Variants in GARRE1 observed in about 807,000 individuals in gnomAD.
GARRE1 encodes the protein granule associated Rac and RHOG effector protein 1.
GARRE1 carries 49 observed loss-of-function variants against 103.2 expected under a neutral mutation model. The ratio of observed to expected loss-of-function variants is 0.47; its 90% CI spans 0.38 to 0.60. GARRE1 has a LOEUF of 0.60. Among genes scored for constraint, GARRE1 ranks in the 20% least tolerant of loss-of-function variants. GARRE1 has a pLI of 0.00. For missense variants in GARRE1, 1,199 were observed against 1,370.5 expected (o/e 0.87, Z 1.98); for synonymous variants, 505 against 532.8 (o/e 0.95, Z 0.72).
intron 2 of GARRE1, among the ~76,000 whole-genome samples, chr19:34,301,620 G>T (rs1043478500): frequency 1.3e-5 from 2 of 150,456 alleles, no homozygotes; most frequent in African/African-American, 2.4e-5. Flanking sequence ...TTCAAATACC[G>T]TACTGGTAAA....
At chr19:34,254,755 G>A (rs961775407) in intron 1 of GARRE1, 141 bp downstream of exon 1, 4 of 148,398 alleles carry the variant, frequency 2.7e-5, no homozygotes, top group African/African-American at 9.8e-5. Context: ...GGGGCCGCAG[G>A]GCGCGGGGCC....
intron 1 of GARRE1, among the ~76,000 whole-genome samples, chr19:34,292,769 C>T (rs1002047763): frequency 6.6e-6 from 1 of 151,564 alleles, no homozygotes; most frequent in African/African-American, 2.4e-5. Context: ...GAGTCTCGCT[C>T]CATCACCCAG....
chr19:34,352,693 C>T lies in GARRE1; in HGVS notation c.2951C>T (p.Pro984Leu). 6.2e-7 allele frequency: 1 copy of T among 1,613,802 alleles called. No individual in the cohort carries two copies. The highest frequency in any genetic ancestry group is 8.5e-7 in the Non-Finnish European group (1 of 1,179,730). ...TWPPKAPWQH[P>L]SPLPSTLPSP... ...CCACCCAAAGCACCCTGGCAGCACC[C>T]TTCCCCGCTTCCCAGCACGCTGCCC... is the stretch of plus-strand genomic sequence containing the variant. Residue 984 changes from proline to leucine, a missense_variant, in exon 14 of 14, where the codon CCT (proline) becomes CTT (leucine). Coordinates refer to ENST00000299505, the MANE Select transcript of GARRE1 (RefSeq NM_014686.5).
chr19:34,279,479 G>A (rs1265832650), intron 1 of GARRE1, among the ~76,000 whole-genome samples: 9 of 151,738 alleles, frequency 5.9e-5, no homozygotes, highest in East Asian at 1.9e-4. Flanking sequence ...TTTTAGTAGA[G>A]ACGAGGTTTC....
At chr19:34,265,593 T>C (rs2073746725) in intron 1 of GARRE1, 1 of 152,194 alleles carries the variant, frequency 6.6e-6, no homozygotes, top group African/African-American at 2.4e-5. Flanking sequence ...TTGCCTGGAC[T>C]TGGGAGTTGG....
intron 1 of GARRE1, among the ~76,000 whole-genome samples, chr19:34,290,080 G>T (rs1305770031): frequency 6.6e-6 from 1 of 152,138 alleles, no homozygotes; most frequent in Non-Finnish European, 1.5e-5. Context: ...GTAAGGACCG[G>T]GCGCAGTGGC....
chr19:34,319,788 G>T (rs2074076689), intron 2 of GARRE1, 119 bp from the exon 3 acceptor site: 2 of 859,448 alleles, frequency 2.3e-6, no homozygotes, highest in South Asian at 3.1e-5. Flanking sequence ...TTTTAACTTT[G>T]TATGATTTTG....
intron 3 of GARRE1, among the ~76,000 whole-genome samples, chr19:34,321,378 C>G (rs2074088187): frequency 6.6e-6 from 1 of 151,632 alleles, no homozygotes; most frequent in Admixed American, 6.6e-5. Context: ...CTTAATTGGT[C>G]TAACTCTGCC....
chr19:34,301,756 C>T (rs1023192176), intron 2 of GARRE1, among the ~76,000 whole-genome samples: 7 of 150,034 alleles, frequency 4.7e-5, no homozygotes, highest in Admixed American at 1.3e-4. Context: ...GATCTCGGCT[C>T]ACTGCAAGGT....
chr19:34,301,267 T>TA (rs2073977297), intron 2 of GARRE1, among the ~76,000 whole-genome samples: 2 of 151,858 alleles, frequency 1.3e-5, no homozygotes, highest in African/African-American at 4.8e-5. Flanking sequence ...CTACAAAAAC[T>TA]AAAAAAATTA....
intron 1 of GARRE1, among the ~76,000 whole-genome samples, chr19:34,270,884 C>T (rs1445127134): frequency 1.3e-5 from 2 of 152,146 alleles, no homozygotes; most frequent in African/African-American, 2.4e-5. Context: ...TAGGGGCTGT[C>T]TTGTGCATTA....
At chr19:34,280,444 CTTTA>C (rs945265368) in intron 1 of GARRE1, among the ~76,000 whole-genome samples, 10 of 152,086 alleles carry the variant, frequency 6.6e-5, no homozygotes, top group Non-Finnish European at 1.3e-4. Flanking sequence ...TGTAGGAGTT[CTTTA>C]TATATTCTGG....
chr19:34,322,906 A>G (rs2074095771), intron 3 of GARRE1, among the ~76,000 whole-genome samples: 1 of 151,846 alleles, frequency 6.6e-6, no homozygotes, highest in African/African-American at 2.4e-5. Context: ...ATTTTTTTAA[A>G]CTATCCCAGC....
At chr19:34,283,671 C>CA (rs949875003) in intron 1 of GARRE1, among the ~76,000 whole-genome samples, 3 of 152,060 alleles carry the variant, frequency 2.0e-5, no homozygotes, top group African/African-American at 7.2e-5. Context: ...GTCAGACGCC[C>CA]AGGGCCATTC....
chr19:34,272,350 C>G lies in GARRE1; in HGVS notation c.-796+17736C>G, dbSNP rs368892167. 2.6e-5 allele frequency among the ~76,000 whole-genome samples: 4 copies of G among 152,158 alleles called. No homozygotes were observed. The East Asian group carries it at 5.8e-4, about 22-fold the overall frequency. ...GATAGCTGGGATCACAGGCGCCCAC[C>G]ACCATGCCCGGCTAATTTTTGTATT... On this transcript the variant is annotated intron_variant, in intron 1 of 13. Transcript: ENST00000299505.
intron 2 of GARRE1, among the ~76,000 whole-genome samples, chr19:34,310,307 A>G (rs967486999): frequency 6.6e-6 from 1 of 152,196 alleles, no homozygotes; most frequent in Middle Eastern, 3.2e-3. Flanking sequence ...CTGAGCACCC[A>G]TAAAACAGCA....
chr19:34,339,801 A>C, intron 8 of GARRE1, 66 bp from the exon 9 acceptor site: 2 of 1,600,714 alleles, frequency 1.2e-6, no homozygotes, highest in South Asian at 1.1e-5. Flanking sequence ...CTTTTCTATG[A>C]GACCTGCTTG....
intron 2 of GARRE1, among the ~76,000 whole-genome samples, chr19:34,311,698 C>T (rs1169246808): frequency 6.6e-6 from 1 of 152,166 alleles, no homozygotes; most frequent in Non-Finnish European, 1.5e-5. Context: ...GCAACCTCTG[C>T]CTCCTGGGTT....
At chr19:34,262,555 C>G (rs143787601) in intron 1 of GARRE1, among the ~76,000 whole-genome samples, 1,762 of 152,112 alleles carry the variant, frequency 0.012, 13 homozygotes, top group Non-Finnish European at 0.017. Flanking sequence ...CTTGGCCTCC[C>G]AAGGTGCTGG....
Sources: gnomAD v4.1 joint callset for allele counts (sites outside exome capture counted in the v4.1 genomes callset) on GRCh38, gnomAD v4.1.1 for gene constraint, MANE v1.5 for transcripts, NCBI Gene and HGNC (gene_info 2026-07-23, HGNC 2026-07-21) for gene names.